Variants in KCND2 observed in about 807,000 individuals in gnomAD.
The protein encoded by KCND2 is A-type voltage-gated potassium channel KCND2.
Under a neutral mutation model 54.4 loss-of-function variants are expected in KCND2, and 16 were observed. That is an observed-to-expected ratio of 0.29 (90% CI 0.20 to 0.45). The LOEUF (loss-of-function observed/expected upper bound fraction) is 0.45, where lower values mean the gene tolerates loss of function less well. KCND2 is among the 20% of genes least tolerant of loss of function. The probability of loss-of-function intolerance (pLI) is 1.00; values close to 1 mark genes in which losing one functional copy is unlikely to be tolerated. For missense variants in KCND2, 486 were observed against 824.2 expected (o/e 0.59, Z 5.02); for synonymous variants, 317 against 310.7 (o/e 1.02, Z -0.21).
In KCND2 at chr7:120,572,612, A is replaced by G. The variant is rs533216696; in HGVS notation, c.1116-160291A>G. ...GGCTCACTGCAACCTCCAACTCCCA[A>G]GTTCAAGTGATTCTCCCACCTCAGC... On this transcript the variant is annotated intron_variant, in intron 1 of 5. Coordinates refer to ENST00000331113, the MANE Select transcript of KCND2 (RefSeq NM_012281.3). Among the ~76,000 whole-genome samples, 73 of 152,170 alleles carry G rather than the reference A, an allele frequency of 4.8e-4. No homozygotes were observed. In the Middle Eastern group the frequency reaches 0.01, roughly 21 times the overall value.
intron 1 of KCND2, among the ~76,000 whole-genome samples, chr7:120,473,341 G>A (rs984199054): frequency 2.6e-5 from 4 of 152,170 alleles, no homozygotes; most frequent in Non-Finnish European, 5.9e-5. Context: ...AATGTGTCTG[G>A]TGACAGCAAC....
chr7:120,424,500 G>T (rs1344097030), intron 1 of KCND2, among the ~76,000 whole-genome samples: 1 of 152,200 alleles, frequency 6.6e-6, no homozygotes, highest in East Asian at 1.9e-4. Context: ...TAAAGTGGTA[G>T]AATATTTTGG....
At chr7:120,590,242 C>T (rs1419584885) in intron 1 of KCND2, among the ~76,000 whole-genome samples, 2 of 152,154 alleles carry the variant, frequency 1.3e-5, no homozygotes, top group African/African-American at 2.4e-5. Flanking sequence ...TGGTCTCGAA[C>T]TCCTGACCTC....
intron 1 of KCND2, among the ~76,000 whole-genome samples, chr7:120,330,931 T>C (rs1215288925): frequency 6.6e-6 from 1 of 151,954 alleles, no homozygotes; most frequent in Admixed American, 6.6e-5. Flanking sequence ...CACAAAAACA[T>C]CTAAATGAAA....
chr7:120,658,503 A>G (rs1208488501), intron 1 of KCND2, among the ~76,000 whole-genome samples: 2 of 152,166 alleles, frequency 1.3e-5, no homozygotes, highest in Non-Finnish European at 2.9e-5. Context: ...TAAAGAACCA[A>G]ACTTGTTTGT....
At chr7:120,425,987 A>G (rs1801701251) in intron 1 of KCND2, among the ~76,000 whole-genome samples, 2 of 152,038 alleles carry the variant, frequency 1.3e-5, no homozygotes, top group Admixed American at 1.3e-4. Context: ...TTTTAGAAGT[A>G]AAGGAATATT....
intron 1 of KCND2, among the ~76,000 whole-genome samples, chr7:120,484,733 A>AC (rs199953080): frequency 1.3e-5 from 2 of 151,336 alleles, no homozygotes; most frequent in Non-Finnish European, 2.9e-5. Context: ...ACACACACAC[A>AC]AAGAATTTCT....
chr7:120,451,078 C>T (rs1028475401), intron 1 of KCND2, among the ~76,000 whole-genome samples: 2 of 152,182 alleles, frequency 1.3e-5, no homozygotes, highest in African/African-American at 4.8e-5. Context: ...CAAAGCATCA[C>T]CTACCCTCTT....
At chr7:120,454,868 T>C (rs902034106) in intron 1 of KCND2, among the ~76,000 whole-genome samples, 4 of 152,178 alleles carry the variant, frequency 2.6e-5, no homozygotes, top group Non-Finnish European at 5.9e-5. Context: ...CAAAAATCAG[T>C]AGCATTTCTA....
At chr7:120,615,597 A>G (rs1793013996) in intron 1 of KCND2, among the ~76,000 whole-genome samples, 1 of 152,134 alleles carries the variant, frequency 6.6e-6, no homozygotes, top group Non-Finnish European at 1.5e-5. Context: ...GGGCAACCCC[A>G]CCTCAGAGTG....
At position 120,273,975 on chromosome 7, in the gene KCND2, C is replaced by T. The variant is rs1388838013; in HGVS notation, c.-658C>T. On this transcript the variant is annotated 5_prime_UTR_variant, in exon 1 of 6. Transcript: ENST00000331113. ...GAGGAGAATCTCTATTAACGCCCCC[C>T]ACCGTAACCACTGCACATCACCTCC... 1 of 153,862 alleles carries T rather than the reference C, an allele frequency of 6.5e-6. No homozygotes were observed. Among genetic ancestry groups the T allele is most frequent in the African/African-American group, 2.4e-5 (1 of 41,436 alleles). The allele number at this position is 153,862 out of a possible 1,614,324, so 9.5% of individuals were successfully genotyped here. A position where few individuals can be genotyped will look rare whatever the true frequency, so the allele number is the denominator to read the frequency against.
chr7:120,683,654 C>A (rs1171660670), intron 1 of KCND2, among the ~76,000 whole-genome samples: 1 of 152,006 alleles, frequency 6.6e-6, no homozygotes, highest in Non-Finnish European at 1.5e-5. Context: ...GAAAATGTGA[C>A]TAAGAGGCCT....
At chr7:120,735,588 C>G (rs1000798085) in intron 2 of KCND2, among the ~76,000 whole-genome samples, 30 of 152,010 alleles carry the variant, frequency 2.0e-4, no homozygotes, top group African/African-American at 7.0e-4. Context: ...ATTTTAGAAG[C>G]CTTTTGGTCT....
At chr7:120,428,158 C>A (rs956523404) in intron 1 of KCND2, among the ~76,000 whole-genome samples, 1 of 152,138 alleles carries the variant, frequency 6.6e-6, no homozygotes, top group South Asian at 2.1e-4. Context: ...CATCTGCCAA[C>A]TCATTCTTTA....
At chr7:120,632,132 A>G (rs1793241149) in intron 1 of KCND2, among the ~76,000 whole-genome samples, 1 of 152,170 alleles carries the variant, frequency 6.6e-6, no homozygotes, top group Non-Finnish European at 1.5e-5. Context: ...GAGAAGAGCA[A>G]TGCCAGTAAA....
intron 1 of KCND2, among the ~76,000 whole-genome samples, chr7:120,467,414 A>G (rs60202137): frequency 0.011 from 1,678 of 152,146 alleles, 35 homozygotes; most frequent in African/African-American, 0.038. Flanking sequence ...TTTTATTTAC[A>G]TTTTTATCAA....
intron 1 of KCND2, among the ~76,000 whole-genome samples, chr7:120,703,611 C>A (rs888514592): frequency 1.3e-5 from 2 of 152,098 alleles, no homozygotes; most frequent in African/African-American, 2.4e-5. Flanking sequence ...AGCACTAGAA[C>A]CTGAATTGGG....
rs151258092 is a variant in KCND2, at chr7:120,747,799, G to A, written c.1834G>A (p.Asp612Asn). 2.3e-5 allele frequency: 37 copies of A among 1,612,546 alleles called. No homozygotes were observed. Among genetic ancestry groups the A allele is most frequent in the Middle Eastern group, 3.3e-4 (2 of 6,078 alleles). The part of the protein sequence containing the change: ...TPPVTTPEGD[D>N]RPESPEYSGG... ...TCCAGTAACCACACCAGAAGGAGAC[G>A]ATAGGCCAGAATCCCCTGAGTACTC... Residue 612 changes from aspartate to asparagine, a missense_variant, in exon 6 of 6, where the codon GAT becomes AAT. Transcript: ENST00000331113.
intron 1 of KCND2, among the ~76,000 whole-genome samples, chr7:120,670,057 A>G (rs907716562): frequency 6.6e-6 from 1 of 152,118 alleles, no homozygotes; most frequent in Admixed American, 6.5e-5. Context: ...AACAGTGTAC[A>G]CTGCTCAGGA....
Sources: allele counts gnomAD v4.1 joint callset (sites outside exome capture counted in the v4.1 genomes callset), GRCh38; gene constraint gnomAD v4.1.1; transcripts MANE v1.5; gene names NCBI Gene and HGNC (gene_info 2026-07-23, HGNC 2026-07-21).